Variants in DPP4 observed in about 807,000 individuals in gnomAD.
DPP4 encodes ADCP-2.
Under a neutral mutation model 122.4 loss-of-function variants are expected in DPP4, and 93 were observed. That is an observed-to-expected ratio of 0.76 (90% CI 0.64 to 0.90). The LOEUF (loss-of-function observed/expected upper bound fraction) is 0.90, where lower values mean the gene tolerates loss of function less well. DPP4 is among the 40% of genes least tolerant of loss of function. The pLI is 0.00. For synonymous variants in DPP4, 321 were observed against 302.9 expected, an observed-to-expected ratio of 1.06 and a Z score of -0.62; for missense variants, 914 against 907.3, an observed-to-expected ratio of 1.01 and a Z score of -0.09.
rs541013477 is a variant in DPP4 at position 162,045,426 on chromosome 2, A to T, written c.366+106T>A. 8 of 790,474 alleles carry T rather than the reference A, an allele frequency of 1.0e-5. No homozygotes were observed. In the East Asian group the frequency reaches 2.1e-4, roughly 20 times the overall value. The allele number at this position is 790,474 out of a possible 1,614,324, so 49.0% of individuals were successfully genotyped here. The stretch of plus-strand genomic sequence containing the variant: ...GAATTAATGAGTTTTAGTGCCTATT[A>T]CATTACTTAGATATTAATCTTAAGT... On this transcript the variant is annotated intron_variant, in intron 5 of 25. Transcript: ENST00000360534.
At chr2:162,007,602 T>G (rs909266852) in intron 22 of DPP4, among the ~76,000 whole-genome samples, 30 of 152,146 alleles carry the variant, frequency 2.0e-4, no homozygotes, top group Non-Finnish European at 1.0e-4. Flanking sequence ...TCATTTCATA[T>G]TTTTAAACTT....
chr2:161,998,701 A>G (rs888873229), intron 23 of DPP4, among the ~76,000 whole-genome samples: 2 of 151,998 alleles, frequency 1.3e-5, no homozygotes, highest in Admixed American at 1.3e-4. Flanking sequence ...TTTTTTTCTT[A>G]AATGGAGTGA....
At position 162,012,034 on chromosome 2, in the gene DPP4, A is replaced by G. The variant is rs772299817; in HGVS notation, c.1638-47T>C. 35 of 1,565,102 alleles carry G rather than the reference A, an allele frequency of 2.2e-5. No homozygotes were observed. The Admixed American group carries it at 3.6e-4, about 16-fold the overall frequency. On this transcript the variant is annotated intron_variant, in intron 19 of 25. Coordinates refer to ENST00000360534, the MANE Select transcript of DPP4 (RefSeq NM_001935.4). Reference sequence around the variant, plus strand: ...TAGCTTTCATGGTTTTCTGGAATCAAATGAGGAATGCTTACATTTCTCTTC... The same window carrying G: ...TAGCTTTCATGGTTTTCTGGAATCAGATGAGGAATGCTTACATTTCTCTTC...
At chr2:162,047,322 T>G (rs1684221507) in intron 3 of DPP4, 81 bp downstream of exon 3, 1 of 770,854 alleles carries the variant, frequency 1.3e-6, no homozygotes, top group African/African-American at 1.8e-5. Context: ...TTACCTCTTC[T>G]CAGTGCCATA....
chr2:162,017,253 T>C, intron 16 of DPP4, 98 bp from the exon 17 acceptor site: 1 of 946,552 alleles, frequency 1.1e-6, no homozygotes, highest in South Asian at 1.6e-5. Context: ...ACCATTTAAC[T>C]TTGATAGAAT....
intron 2 of DPP4, among the ~76,000 whole-genome samples, chr2:162,048,272 C>A (rs1046129807): frequency 6.6e-6 from 1 of 152,148 alleles, no homozygotes; most frequent in African/African-American, 2.4e-5. Flanking sequence ...ATACTTCTGT[C>A]TGTTTTTCCA....
At chr2:162,020,712 G>T in intron 12 of DPP4, 24 bp from the exon 13 acceptor site, 1 of 1,551,018 alleles carries the variant, frequency 6.4e-7, no homozygotes, top group South Asian at 1.2e-5. Context: ...GAGAACAAAA[G>T]AACATTAAAG....
chr2:162,016,917 G>A, intron 17 of DPP4, 51 bp from the exon 18 acceptor site: 1 of 1,546,390 alleles, frequency 6.5e-7, no homozygotes, highest in Non-Finnish European at 8.8e-7. Flanking sequence ...GAAAAATGTG[G>A]ATTATGTAGT....
intron 2 of DPP4, among the ~76,000 whole-genome samples, chr2:162,054,002 T>C (rs73009113): frequency 0.029 from 4,314 of 151,148 alleles, 200 homozygotes; most frequent in African/African-American, 0.1. Flanking sequence ...AGCTGCACCA[T>C]GGGCCGTGCC....
In DPP4 at chr2:162,014,436, G is replaced by A. The variant is rs202050533; in HGVS notation, c.1597C>T (p.His533Tyr). Reference sequence around the variant, plus strand: ...GGATATTTCTTGGATTTATCAAAATGAGGAGGCAAGATCATCTGATACCAA... The same window carrying A: ...GGATATTTCTTGGATTTATCAAAATAAGGAGGCAAGATCATCTGATACCAA... Reference protein sequence around the residue: ...KFWYQMILPPHFDKSKKYPLL... With the variant: ...KFWYQMILPPYFDKSKKYPLL... Residue 533 changes from histidine to tyrosine, a missense_variant, in exon 19 of 26, where the codon CAT becomes TAT. Transcript: ENST00000360534. 9.9e-6 allele frequency: 16 copies of A among 1,608,666 alleles called. No homozygotes were observed. Among genetic ancestry groups the A allele is most frequent in the East Asian group, 2.2e-5 (1 of 44,646 alleles).
intron 12 of DPP4, among the ~76,000 whole-genome samples, chr2:162,022,154 C>A (rs1428990743): frequency 6.6e-6 from 1 of 152,168 alleles, no homozygotes; most frequent in Non-Finnish European, 1.5e-5. Context: ...CCATAGCAAT[C>A]TGGGTGGTAA....
chr2:161,998,513 CT>C (rs1701063133), intron 23 of DPP4, among the ~76,000 whole-genome samples: 4 of 152,184 alleles, frequency 2.6e-5, no homozygotes, highest in Admixed American at 2.0e-4. Flanking sequence ...CCTCATGGGC[CT>C]GCCTTGCTTG....
intron 2 of DPP4, among the ~76,000 whole-genome samples, chr2:162,053,839 G>A (rs1474924901): frequency 6.6e-6 from 1 of 152,230 alleles, no homozygotes; most frequent in African/African-American, 2.4e-5. Flanking sequence ...GGCCCATGAA[G>A]AGAACTGCCA....
At chr2:162,049,946 A>T (rs1164313623) in intron 2 of DPP4, among the ~76,000 whole-genome samples, 3 of 151,366 alleles carry the variant, frequency 2.0e-5, no homozygotes, top group Non-Finnish European at 2.9e-5. Flanking sequence ...AAACTAAAGT[A>T]TTTTTTTTTG....
rs201382341 is a variant in DPP4 at position 161,993,044 on chromosome 2, G to C, written c.*239C>G. ...TTGTTTCAGCAGCTGATGCAGAAAT[G>C]ATTTTAAACAATAAAACCCGACCGG... On this transcript the variant is annotated 3_prime_UTR_variant, in exon 26 of 26. Transcript: ENST00000360534. The C allele has an allele frequency of 7.9e-5, 30 of 379,784 alleles. No homozygotes were observed. The highest frequency in any genetic ancestry group is 1.4e-4 in the Non-Finnish European group (29 of 207,452). The allele number at this position is 379,784 out of a possible 1,614,324, so 23.5% of individuals were successfully genotyped here. A position where few individuals can be genotyped will look rare whatever the true frequency, so the allele number is the denominator to read the frequency against.
chr2:162,059,274 C>T (rs1360327735), intron 2 of DPP4, among the ~76,000 whole-genome samples: 1 of 152,070 alleles, frequency 6.6e-6, no homozygotes, highest in Non-Finnish European at 1.5e-5. Flanking sequence ...ATAGTCACTC[C>T]CTCTTTTCTT....
chr2:162,073,565 G>C (rs1224803422), intron 1 of DPP4, 79 bp from the exon 2 acceptor site: 1 of 1,432,048 alleles, frequency 7.0e-7, no homozygotes, highest in Non-Finnish European at 9.8e-7. Flanking sequence ...GGCTGCTCCA[G>C]AGGCAGCAGG....
intron 11 of DPP4, 75 bp from the exon 12 acceptor site, chr2:162,022,874 TATAA>T (rs1683184524): frequency 7.0e-7 from 1 of 1,433,134 alleles, no homozygotes; most frequent in Admixed American, 1.7e-5. Flanking sequence ...TTTGTGGTAA[TATAA>T]ATAGAGCTGT....
chr2:162,046,614 T>C (rs1684181783), intron 4 of DPP4: 25 of 482,866 alleles, frequency 5.2e-5, no homozygotes, highest in South Asian at 3.9e-4. Context: ...AGGGCAGTAA[T>C]GCTGTGGGGT....
Sources: gnomAD v4.1 joint callset for allele counts (sites outside exome capture counted in the v4.1 genomes callset) on GRCh38, gnomAD v4.1.1 for gene constraint, MANE v1.5 for transcripts, NCBI Gene and HGNC (gene_info 2026-07-23, HGNC 2026-07-21) for gene names.